Variants in CADM2 observed in about 807,000 individuals in gnomAD.
The protein encoded by CADM2 is cell adhesion molecule 2.
CADM2 carries 12 observed loss-of-function variants against 49.8 expected under a neutral mutation model. The observed-to-expected ratio is 0.24, with a 90% CI of 0.15 to 0.39. The LOEUF is 0.39. CADM2 is among the 10% of genes least tolerant of loss of function. CADM2 has a pLI of 1.00. For missense variants in CADM2, 378 were observed against 492.3 expected, an observed-to-expected ratio of 0.77 and a Z score of 2.20; for synonymous variants, 214 against 175.4, an observed-to-expected ratio of 1.22 and a Z score of -1.74.
At chr3:85,435,088 T>C (rs889548123) in intron 1 of CADM2, among the ~76,000 whole-genome samples, 2 of 151,952 alleles carry the variant, frequency 1.3e-5, no homozygotes, top group Non-Finnish European at 2.9e-5. Flanking sequence ...TGTTACATAG[T>C]ATACATGTGC....
At chr3:85,721,811 G>C (rs2067514728) in intron 1 of CADM2, among the ~76,000 whole-genome samples, 1 of 152,210 alleles carries the variant, frequency 6.6e-6, no homozygotes, top group Non-Finnish European at 1.5e-5. Flanking sequence ...CTCCCACAAT[G>C]TGGCAAGCAA....
intron 1 of CADM2, among the ~76,000 whole-genome samples, chr3:85,581,904 G>A (rs1276166445): frequency 7.1e-6 from 1 of 140,056 alleles, no homozygotes; most frequent in Non-Finnish European, 1.6e-5. Flanking sequence ...TATTTTATTT[G>A]AAGTGTTTTT....
At chr3:86,013,855 A>C (rs765804899) in intron 8 of CADM2, 1 of 1,594,238 alleles carries the variant, frequency 6.3e-7, no homozygotes, top group South Asian at 1.1e-5. Context: ...TTTTCTTCCA[A>C]AATGAAAGTT....
Position 85,187,959 on chromosome 3 carries a change from T to C in CADM2, c.61+228291T>C, listed in dbSNP as rs183722659. On this transcript the variant is annotated intron_variant, in intron 1 of 9. Transcript: ENST00000383699. ...TTCTTATAAGTCAATAAAATTATAA[T>C]GTAAGTTACAGTTGATGCTATCTTA... 3.1e-4 allele frequency among the ~76,000 whole-genome samples: 47 copies of C among 152,148 alleles called. 1 individual carries two copies. The East Asian group carries it at 8.3e-3, about 27-fold the overall frequency.
At chr3:85,658,572 A>ATGTG (rs1202544525) in intron 1 of CADM2, among the ~76,000 whole-genome samples, 16 of 100,096 alleles carry the variant, frequency 1.6e-4, no homozygotes, top group African/African-American at 6.3e-4. Context: ...TATTGGATAT[A>ATGTG]TGTGTATATA....
chr3:85,063,661 C>T (rs17022398), intron 1 of CADM2, among the ~76,000 whole-genome samples: 7,259 of 152,052 alleles, frequency 0.048, 554 homozygotes, highest in African/African-American at 0.16. Context: ...AATTAATGAG[C>T]TGCCCTCCAG....
At chr3:85,955,497 G>A (rs187139881) in intron 7 of CADM2, among the ~76,000 whole-genome samples, 3 of 151,566 alleles carry the variant, frequency 2.0e-5, no homozygotes, top group Admixed American at 6.6e-5. Flanking sequence ...AAGAGGGGAT[G>A]TGAACGATTA....
intron 1 of CADM2, among the ~76,000 whole-genome samples, chr3:85,012,022 A>G (rs992028604): frequency 1.7e-4 from 26 of 152,084 alleles, no homozygotes; most frequent in African/African-American, 5.8e-4. Flanking sequence ...CACTTTATTT[A>G]AACTACTAAA....
At chr3:85,845,027 C>T (rs2074811608) in intron 3 of CADM2, among the ~76,000 whole-genome samples, 1 of 151,340 alleles carries the variant, frequency 6.6e-6, no homozygotes, top group Non-Finnish European at 1.5e-5. Context: ...CGTTGGTATG[C>T]ACATGTAGTC....
chr3:86,066,971 C>T lies in CADM2; in HGVS notation c.*188C>T. On this transcript the variant is annotated 3_prime_UTR_variant, in exon 10 of 10. Transcript: ENST00000383699. ...ATCATTCTTTAATTACTGTACCATC[C>T]ATAATGCAGGACATTTCTTACTGCC... 1 of 578,454 alleles carries T rather than the reference C, an allele frequency of 1.7e-6. No individual in the cohort carries two copies. 35.8% of individuals were successfully genotyped at this position (578,454 alleles called of 1,614,324 possible).
At chr3:85,049,163 A>G (rs2035781184) in intron 1 of CADM2, among the ~76,000 whole-genome samples, 1 of 152,130 alleles carries the variant, frequency 6.6e-6, no homozygotes, top group South Asian at 2.1e-4. Flanking sequence ...ATCATTAGCG[A>G]TCTTAGTGGG....
At chr3:85,081,372 A>T (rs1446560474) in intron 1 of CADM2, among the ~76,000 whole-genome samples, 3 of 152,154 alleles carry the variant, frequency 2.0e-5, no homozygotes, top group Admixed American at 6.6e-5. Context: ...AGCGCATATG[A>T]CTTGGTAGAG....
intron 1 of CADM2, among the ~76,000 whole-genome samples, chr3:85,703,427 T>A (rs1226574197): frequency 6.6e-6 from 1 of 152,152 alleles, no homozygotes; most frequent in Non-Finnish European, 1.5e-5. Context: ...TAATAAAATG[T>A]CTGAAATCCA....
intron 1 of CADM2, among the ~76,000 whole-genome samples, chr3:85,295,735 C>T (rs1190804163): frequency 6.6e-5 from 10 of 151,612 alleles, no homozygotes; most frequent in Admixed American, 6.6e-4. Flanking sequence ...AATTAGATCA[C>T]ATGGACACAG....
At chr3:85,896,851 A>G (rs1410682006) in intron 5 of CADM2, among the ~76,000 whole-genome samples, 2 of 152,214 alleles carry the variant, frequency 1.3e-5, no homozygotes, top group African/African-American at 4.8e-5. Context: ...GTGCTTCTCA[A>G]AAAGTGGCCT....
At chr3:85,823,005 C>T (rs1207888956) in intron 3 of CADM2, among the ~76,000 whole-genome samples, 1 of 152,108 alleles carries the variant, frequency 6.6e-6, no homozygotes, top group East Asian at 1.9e-4. Flanking sequence ...TCCTTGCAAT[C>T]AGTAGAAAGA....
intron 1 of CADM2, among the ~76,000 whole-genome samples, chr3:85,181,550 A>G (rs576526724): frequency 2.6e-5 from 4 of 152,226 alleles, no homozygotes; most frequent in South Asian, 4.1e-4. Context: ...TAAATTGAGA[A>G]TTGAATATCA....
chr3:85,108,315 T>C (rs550005948), intron 1 of CADM2, among the ~76,000 whole-genome samples: 7 of 152,310 alleles, frequency 4.6e-5, no homozygotes, highest in African/African-American at 1.7e-4. Context: ...TGTCTGTAAA[T>C]GGTTGCATAG....
intron 1 of CADM2, among the ~76,000 whole-genome samples, chr3:85,251,631 T>G (rs2042776752): frequency 6.6e-6 from 1 of 151,660 alleles, no homozygotes; most frequent in African/African-American, 2.4e-5. Context: ...TGAATTTTCA[T>G]TCTTTCTTTT....
Sources: allele counts gnomAD v4.1 joint callset (sites outside exome capture counted in the v4.1 genomes callset), GRCh38; gene constraint gnomAD v4.1.1; transcripts MANE v1.5; gene names NCBI Gene and HGNC (gene_info 2026-07-23, HGNC 2026-07-21).